ERICH3: variants seen among roughly 807,000 people sequenced by gnomAD.
ERICH3 encodes the protein glutamate-rich protein 3.
Under a neutral mutation model 131.1 loss-of-function variants are expected in ERICH3, and 126 were observed. That is an observed-to-expected ratio of 0.96 (90% CI 0.83 to 1.11). The LOEUF (loss-of-function observed/expected upper bound fraction) is 1.11, where lower values mean the gene tolerates loss of function less well. Among genes scored for constraint, ERICH3 ranks in the 50% most tolerant of loss-of-function variants. The probability of loss-of-function intolerance (pLI) is 0.00; values close to 1 mark genes in which losing one functional copy is unlikely to be tolerated. For synonymous variants in ERICH3, 695 were observed against 644.6 expected (o/e 1.08, Z -1.18); for missense variants, 2,050 against 1,810.7 (o/e 1.13, Z -2.40).
chr1:74,613,347 A>G (rs1297632471), intron 8 of ERICH3, among the ~76,000 whole-genome samples: 1 of 152,186 alleles, frequency 6.6e-6, no homozygotes, highest in African/African-American at 2.4e-5. Flanking sequence ...TTTTTCTATT[A>G]CTAGATTCTA....
At chr1:74,637,936 T>C (rs1254437019) in intron 5 of ERICH3, among the ~76,000 whole-genome samples, 3 of 151,744 alleles carry the variant, frequency 2.0e-5, no homozygotes, top group African/African-American at 7.3e-5. Context: ...ATTAGCAATG[T>C]GTCAAAAGTA....
At chr1:74,631,462 T>C (rs75811633) in intron 7 of ERICH3, among the ~76,000 whole-genome samples, 20,251 of 152,132 alleles carry the variant, frequency 0.13, 1,614 homozygotes, top group South Asian at 0.3. Flanking sequence ...GAAATAGGTA[T>C]TGGTCAAATT....
intron 8 of ERICH3, among the ~76,000 whole-genome samples, chr1:74,619,541 C>G (rs1649122660): frequency 1.3e-5 from 2 of 152,144 alleles, no homozygotes; most frequent in African/African-American, 4.8e-5. Context: ...CAGAATAGCT[C>G]ACTGGGGCTG....
At chr1:74,584,619 C>A (rs9661135) in intron 12 of ERICH3, among the ~76,000 whole-genome samples, 13,823 of 152,202 alleles carry the variant, frequency 0.091, 724 homozygotes, top group East Asian at 0.21. Context: ...AATACTACCC[C>A]TTCCTCAAAC....
rs1202299421 is a variant in ERICH3, at chr1:74,673,613, G to A, written c.-94C>T. 2.8e-6 allele frequency: 4 copies of A among 1,447,866 alleles called. No individual in the cohort carries two copies. The highest frequency in any genetic ancestry group is 2.9e-5 in the African/African-American group (2 of 69,054). The allele number at this position is 1,447,866 out of a possible 1,614,324, so 89.7% of individuals were successfully genotyped here. On this transcript the variant is annotated 5_prime_UTR_variant, in exon 1 of 15. Coordinates refer to ENST00000326665, the MANE Select transcript of ERICH3 (RefSeq NM_001002912.5). ...GGCGCTGCGACAGTCGCGCTCGAGG[G>A]GTGGCTCCGCACCGAGGTCCCCTGT...
At chr1:74,584,775 TTGAG>T (rs1647256796) in intron 12 of ERICH3, among the ~76,000 whole-genome samples, 1 of 152,190 alleles carries the variant, frequency 6.6e-6, no homozygotes, top group African/African-American at 2.4e-5. Flanking sequence ...TATGTTCACA[TTGAG>T]AACAGTGTGT....
chr1:74,634,266 T>G (rs1163982003), intron 6 of ERICH3, among the ~76,000 whole-genome samples: 3 of 152,118 alleles, frequency 2.0e-5, no homozygotes, highest in Non-Finnish European at 4.4e-5. Context: ...TAAGCTCCAA[T>G]AAGTTACTTT....
intron 12 of ERICH3, among the ~76,000 whole-genome samples, chr1:74,585,220 T>A (rs949398099): frequency 1.3e-5 from 2 of 152,182 alleles, no homozygotes; most frequent in African/African-American, 4.8e-5. Context: ...CAGCTTAAGC[T>A]GAAAATAACA....
chr1:74,597,377 G>C (rs1647903983), intron 11 of ERICH3, among the ~76,000 whole-genome samples: 1 of 151,862 alleles, frequency 6.6e-6, no homozygotes, highest in Admixed American at 6.6e-5. Context: ...AAAACACCAA[G>C]CATGCAAAAG....
chr1:74,613,043 A>C (rs1056843139), intron 8 of ERICH3, among the ~76,000 whole-genome samples: 3 of 152,218 alleles, frequency 2.0e-5, no homozygotes, highest in Admixed American at 2.0e-4. Context: ...TTCTTGTATA[A>C]ATCTCATAAT....
intron 6 of ERICH3, chr1:74,634,700 T>C (rs765956922): frequency 1.4e-6 from 1 of 710,650 alleles, no homozygotes; most frequent in South Asian, 1.5e-5. Context: ...CCAAGTACTA[T>C]CTAGGGGAGA....
intron 1 of ERICH3, among the ~76,000 whole-genome samples, 186 bp from the exon 2 acceptor site, chr1:74,649,501 A>G (rs1457064619): frequency 1.3e-5 from 2 of 152,140 alleles, no homozygotes; most frequent in Non-Finnish European, 2.9e-5. Flanking sequence ...TAAGATCTAG[A>G]AAATCGTCCT....
chr1:74,673,639 G>A lies in ERICH3; in HGVS notation c.-120C>T. The A allele has an allele frequency of 8.7e-7, 1 of 1,154,806 alleles. No homozygotes were observed. Among genetic ancestry groups the A allele is most frequent in the Non-Finnish European group, 1.2e-6 (1 of 841,654 alleles). The allele number at this position is 1,154,806 out of a possible 1,614,324, so 71.5% of individuals were successfully genotyped here. A position where few individuals can be genotyped will look rare whatever the true frequency, so the allele number is the denominator to read the frequency against. On this transcript the variant is annotated 5_prime_UTR_variant, in exon 1 of 15. Transcript: ENST00000326665. ...GTGGCTCCGCACCGAGGTCCCCTGTGCGCGGGCACCTGGGCTGGGCCGCCG... is the reference window on the plus strand; with the variant it reads ...GTGGCTCCGCACCGAGGTCCCCTGTACGCGGGCACCTGGGCTGGGCCGCCG...
Position 74,571,365 on chromosome 1 carries a change from C to T in ERICH3, c.4345G>A (p.Glu1449Lys). ...GCCTCCTGGCCCTCTGACCCTTCCT[C>T]TTGCTCCTGTCCTAGCCCTGAGGTC... is the stretch of plus-strand genomic sequence containing the variant. The part of the protein sequence containing the change: ...RKTSGLGQEQ[E>K]EGSEGQEAAT... The change falls in exon 14 of 15, where the codon GAG (glutamate) becomes AAG (lysine). Residue 1449 changes from glutamate (E) to lysine (K), a missense_variant. Coordinates refer to ENST00000326665, the MANE Select transcript of ERICH3 (RefSeq NM_001002912.5). The T allele has an allele frequency of 1.2e-6, 2 of 1,614,048 alleles. No homozygotes were observed. Among genetic ancestry groups the T allele is most frequent in the Non-Finnish European group, 1.7e-6 (2 of 1,180,000 alleles).
In ERICH3 at chr1:74,573,432, G is replaced by A. The variant is rs1401229676; in HGVS notation, c.2278C>T (p.Gln760Ter). The change falls in exon 14 of 15, where the codon CAG (glutamine) becomes TAG (stop). Residue 760 changes from glutamine (Q) to a stop codon, truncating the protein, a stop_gained. Transcript: ENST00000326665. LOFTEE classifies it high-confidence loss of function. Reference sequence around the variant, plus strand: ...GTATACGTTTTTTGCACCAATTGCTGGGATTCCTTGTTTGAGTTGATTGCT... The same window carrying A: ...GTATACGTTTTTTGCACCAATTGCTAGGATTCCTTGTTTGAGTTGATTGCT... ...TAAINSNKES[Q>*]QLVQKTYTLE... 2 of 1,562,686 alleles carry A rather than the reference G, an allele frequency of 1.3e-6. No homozygotes were observed. Among genetic ancestry groups the A allele is most frequent in the African/African-American group, 1.4e-5 (1 of 72,366 alleles).
intron 1 of ERICH3, among the ~76,000 whole-genome samples, chr1:74,671,437 T>C (rs1239342737): frequency 6.6e-6 from 1 of 152,220 alleles, no homozygotes; most frequent in Non-Finnish European, 1.5e-5. Flanking sequence ...AAAAACTTGC[T>C]GGTTTGAGAC....
intron 3 of ERICH3, among the ~76,000 whole-genome samples, chr1:74,646,096 T>C (rs1646480217): frequency 1.3e-5 from 2 of 151,060 alleles, no homozygotes; most frequent in South Asian, 4.3e-4. Flanking sequence ...ATTAAAAAAA[T>C]ATGTTGTTGA....
At chr1:74,580,408 T>C (rs1214258598) in intron 12 of ERICH3, among the ~76,000 whole-genome samples, 1 of 152,224 alleles carries the variant, frequency 6.6e-6, no homozygotes, top group Non-Finnish European at 1.5e-5. Context: ...TATAATCATT[T>C]TTGCACATAT....
chr1:74,634,607 C>A (rs1646370899), intron 6 of ERICH3: 3 of 701,340 alleles, frequency 4.3e-6, no homozygotes, highest in Non-Finnish European at 5.3e-6. Flanking sequence ...TCTAATGAAA[C>A]AAAGTATTGA....
Sources: allele counts gnomAD v4.1 joint callset (sites outside exome capture counted in the v4.1 genomes callset), GRCh38; gene constraint gnomAD v4.1.1; transcripts MANE v1.5; gene names NCBI Gene and HGNC (gene_info 2026-07-23, HGNC 2026-07-21).